The following CHL1 variants were observed in gnomAD, a reference collection of about 807,000 sequenced individuals.
The protein encoded by CHL1 is cell adhesion molecule L1 like, also known as neural cell adhesion molecule L1-like protein.
CHL1 carries 96 observed loss-of-function variants against 141.9 expected under a neutral mutation model. The ratio of observed to expected loss-of-function variants is 0.68; its 90% CI spans 0.57 to 0.80. The LOEUF is 0.80. Ranked by LOEUF, CHL1 falls within the 30% of genes least tolerant of loss-of-function variation. The pLI is 0.00. For synonymous variants in CHL1, 613 were observed against 502.2 expected, an observed-to-expected ratio of 1.22 and a Z score of -2.95; for missense variants, 1,820 against 1,457.2, an observed-to-expected ratio of 1.25 and a Z score of -4.05.
At chr3:302,099 A>T (rs139721617) in intron 2 of CHL1, among the ~76,000 whole-genome samples, 42 of 152,326 alleles carry the variant, frequency 2.8e-4, no homozygotes, top group African/African-American at 9.9e-4. Flanking sequence ...ATGGTTGCAT[A>T]GTATTCCATG....
At chr3:268,884 G>T (rs538467568) in intron 2 of CHL1, among the ~76,000 whole-genome samples, 33 of 152,326 alleles carry the variant, frequency 2.2e-4, no homozygotes, top group Non-Finnish European at 4.3e-4. Context: ...GTTAAAGGCA[G>T]AGCTCAATCA....
chr3:382,579 T>A lies in CHL1; in HGVS notation c.2084T>A (p.Phe695Tyr). The change falls in exon 18 of 28, where the codon TTT becomes TAT. Residue 695 changes from phenylalanine to tyrosine, a missense_variant. Transcript: ENST00000256509. ...ACAGTTATCTTACCTTTGGCTCCAT[T>A]TGTGAGATACCAGTTCAGGGTCATA... ...KTTVILPLAPFVRYQFRVIAV... is the reference protein window; with the variant it reads ...KTTVILPLAPYVRYQFRVIAV... 1 of 1,613,912 alleles carries A rather than the reference T, an allele frequency of 6.2e-7. No individual in the cohort carries two copies. Among genetic ancestry groups the A allele is most frequent in the Non-Finnish European group, 8.5e-7 (1 of 1,179,896 alleles).
In CHL1 at chr3:382,751, T is replaced by C. The variant is rs1707209998; in HGVS notation, c.2176+80T>C. 3.0e-5 allele frequency: 36 copies of C among 1,193,166 alleles called. No homozygotes were observed. The South Asian group carries it at 4.2e-4, about 14-fold the overall frequency. 73.9% of individuals were successfully genotyped at this position (1,193,166 alleles called of 1,614,324 possible). Reference sequence around the variant, plus strand: ...TGAACATCTAAAAAAAAAAGATTGATAGAGTAATGTAGGATTTTAGATTTC... The same window carrying C: ...TGAACATCTAAAAAAAAAAGATTGACAGAGTAATGTAGGATTTTAGATTTC... On this transcript the variant is annotated intron_variant, in intron 18 of 27. Transcript: ENST00000256509.
chr3:237,418 G>A (rs1324661632), intron 1 of CHL1, among the ~76,000 whole-genome samples: 11 of 152,194 alleles, frequency 7.2e-5, no homozygotes, highest in African/African-American at 2.7e-4. Context: ...GTCTCAGGAA[G>A]TTCTTTGTAG....
chr3:354,724 A>T lies in CHL1; in HGVS notation c.1118A>T (p.Glu373Val). ...ATCTTGTTATGTGAGGCTGAAGGAGAACCTCAACCCACAATCAAGTGGAGA... is the reference window on the plus strand; with the variant it reads ...ATCTTGTTATGTGAGGCTGAAGGAGTACCTCAACCCACAATCAAGTGGAGA... ...NGILLCEAEG[E>V]PQPTIKWRVN... is the part of the protein sequence containing the mutation. Residue 373 changes from glutamate (E) to valine (V), a missense_variant, in exon 11 of 28, where the codon GAA (glutamate) becomes GTA (valine). Transcript: ENST00000256509. 2 of 1,613,978 alleles carry T rather than the reference A, an allele frequency of 1.2e-6. No individual in the cohort carries two copies. Among genetic ancestry groups the T allele is most frequent in the Non-Finnish European group, 1.7e-6 (2 of 1,179,898 alleles).
At chr3:321,557 A>G (rs185095186) in intron 3 of CHL1, among the ~76,000 whole-genome samples, 88 of 152,224 alleles carry the variant, frequency 5.8e-4, no homozygotes, top group African/African-American at 1.9e-3. Flanking sequence ...CACTGAGATT[A>G]CTGATTCAGA....
chr3:372,390 G>T (rs1023917526), intron 15 of CHL1, among the ~76,000 whole-genome samples: 2 of 151,970 alleles, frequency 1.3e-5, no homozygotes, highest in African/African-American at 2.4e-5. Context: ...TCTTCCACTT[G>T]GTAGCTTTGG....
chr3:351,918 G>T (rs151084320), intron 10 of CHL1, among the ~76,000 whole-genome samples: 8 of 152,128 alleles, frequency 5.3e-5, no homozygotes, highest in African/African-American at 1.7e-4. Flanking sequence ...AATAAAAAGA[G>T]ATATATTATA....
chr3:303,017 G>A (rs186836811), intron 2 of CHL1, among the ~76,000 whole-genome samples: 1 of 152,276 alleles, frequency 6.6e-6, no homozygotes, highest in East Asian at 1.9e-4. Flanking sequence ...CCCATTGCTA[G>A]TGTGTGTCAG....
chr3:341,964 T>G lies in CHL1; in HGVS notation c.561T>G (p.Asp187Glu), dbSNP rs760600644. 4 of 1,613,408 alleles carry G rather than the reference T, an allele frequency of 2.5e-6. No individual in the cohort carries two copies. The Admixed American group carries it at 5.0e-5, about 20-fold the overall frequency. ...GAGTATACATGAGCCAAAAGGGAGA[T>G]CTATACTTCGCAAACGTGGAAGAAA... ...DERVYMSQKG[D>E]LYFANVEEKD... is the part of the protein sequence containing the mutation. Residue 187 changes from aspartate to glutamate, a missense_variant, in exon 7 of 28, where the codon GAT becomes GAG. Coordinates refer to ENST00000256509, the MANE Select transcript of CHL1 (RefSeq NM_006614.4).
At chr3:363,777 C>A in intron 14 of CHL1, 1 of 159,916 alleles carries the variant, frequency 6.3e-6, no homozygotes, top group Non-Finnish European at 1.4e-5. Context: ...ATGACTGAGG[C>A]ATGACAGAAT....
chr3:296,169 G>A (rs951147018), intron 2 of CHL1, among the ~76,000 whole-genome samples: 8 of 151,990 alleles, frequency 5.3e-5, no homozygotes, highest in African/African-American at 1.2e-4. Flanking sequence ...TTAATATCCC[G>A]TACGCACTTA....
intron 23 of CHL1, among the ~76,000 whole-genome samples, chr3:394,440 G>T (rs1348773928): frequency 6.6e-6 from 1 of 152,054 alleles, no homozygotes; most frequent in African/African-American, 2.4e-5. Context: ...GCCATGGTTT[G>T]GATTCAAATC....
intron 9 of CHL1, among the ~76,000 whole-genome samples, chr3:346,451 AG>A (rs1419221957): frequency 6.6e-6 from 1 of 152,224 alleles, no homozygotes; most frequent in East Asian, 1.9e-4. Context: ...TGAGTTGGGC[AG>A]GGTGATCCTT....
At chr3:305,620 T>A (rs1447199929) in intron 2 of CHL1, among the ~76,000 whole-genome samples, 1 of 151,590 alleles carries the variant, frequency 6.6e-6, no homozygotes, top group Non-Finnish European at 1.5e-5. Flanking sequence ...AACTTGCTTT[T>A]TTCACTTAAC....
intron 1 of CHL1, among the ~76,000 whole-genome samples, chr3:215,811 A>G (rs1278011725): frequency 6.6e-6 from 1 of 152,176 alleles, no homozygotes; most frequent in African/African-American, 2.4e-5. Flanking sequence ...AGAGCTTTAC[A>G]ACCTGACTTT....
intron 1 of CHL1, among the ~76,000 whole-genome samples, chr3:215,638 A>G (rs1700255233): frequency 1.3e-5 from 2 of 152,194 alleles, no homozygotes; most frequent in Admixed American, 6.5e-5. Context: ...ATTATGATGT[A>G]CTCCATAGAT....
At chr3:397,503 C>T (rs764923430) in intron 24 of CHL1, among the ~76,000 whole-genome samples, 1 of 151,880 alleles carries the variant, frequency 6.6e-6, no homozygotes, top group African/African-American at 2.4e-5. Context: ...TGAGTTGATT[C>T]CCAGCAAAGC....
At chr3:239,159 T>C (rs1692294841) in intron 1 of CHL1, among the ~76,000 whole-genome samples, 1 of 152,084 alleles carries the variant, frequency 6.6e-6, no homozygotes, top group Non-Finnish European at 1.5e-5. Flanking sequence ...CTGGACATCA[T>C]CAATCAGAAC....
Sources: gnomAD v4.1 joint callset for allele counts (sites outside exome capture counted in the v4.1 genomes callset) on GRCh38, gnomAD v4.1.1 for gene constraint, MANE v1.5 for transcripts, NCBI Gene and HGNC (gene_info 2026-07-23, HGNC 2026-07-21) for gene names.